Variants in FRMD3 observed in about 807,000 individuals in gnomAD.
The protein encoded by FRMD3 is FERM domain containing 3.
Under a neutral mutation model 70.2 loss-of-function variants are expected in FRMD3, and 33 were observed. That is an observed-to-expected ratio of 0.47 (90% confidence interval 0.36 to 0.63). The LOEUF (loss-of-function observed/expected upper bound fraction) is 0.63, where lower values mean the gene tolerates loss of function less well. Ranked by LOEUF, FRMD3 falls within the 20% of genes least tolerant of loss-of-function variation. The probability of loss-of-function intolerance (pLI) is 0.00; values close to 1 mark genes in which losing one functional copy is unlikely to be tolerated. For missense variants in FRMD3, 632 were observed against 711.4 expected, an observed-to-expected ratio of 0.89 and a Z score of 1.27; for synonymous variants, 279 against 255.9, an observed-to-expected ratio of 1.09 and a Z score of -0.86.
At chr9:83,385,527 CA>C (rs1312057920) in intron 2 of FRMD3, among the ~76,000 whole-genome samples, 1 of 152,074 alleles carries the variant, frequency 6.6e-6, no homozygotes, top group Admixed American at 6.6e-5. Flanking sequence ...GACATCTTGC[CA>C]AACATATGGT....
At chr9:83,274,549 G>A (rs539377465) in intron 13 of FRMD3, among the ~76,000 whole-genome samples, 3 of 152,350 alleles carry the variant, frequency 2.0e-5, no homozygotes, top group Admixed American at 6.5e-5. Flanking sequence ...GCCAGAGCAA[G>A]GGAACCAGCA....
chr9:83,266,186 T>C (rs937558508), intron 13 of FRMD3, among the ~76,000 whole-genome samples: 1 of 152,126 alleles, frequency 6.6e-6, no homozygotes, highest in Non-Finnish European at 1.5e-5. Flanking sequence ...AGATCAACTA[T>C]TGGGAGTATT....
intron 1 of FRMD3, among the ~76,000 whole-genome samples, chr9:83,500,561 C>T (rs1829045938): frequency 6.7e-6 from 1 of 148,572 alleles, no homozygotes; most frequent in Admixed American, 6.7e-5. Context: ...TGAGGAGTGG[C>T]CACACTTTGA....
chr9:83,254,279 TAAAAG>T (rs904492729), intron 13 of FRMD3, among the ~76,000 whole-genome samples: 2 of 151,912 alleles, frequency 1.3e-5, no homozygotes, highest in African/African-American at 4.8e-5. Flanking sequence ...AAAAAAATAA[TAAAAG>T]AAACTTTCAA....
intron 1 of FRMD3, among the ~76,000 whole-genome samples, chr9:83,412,024 C>T (rs192248332): frequency 6.6e-6 from 1 of 152,296 alleles, no homozygotes; most frequent in Admixed American, 6.5e-5. Flanking sequence ...AGTAGACAAA[C>T]CATCCATCCC....
chr9:83,278,229 A>G (rs998944457), intron 13 of FRMD3, among the ~76,000 whole-genome samples: 1 of 152,202 alleles, frequency 6.6e-6, no homozygotes, highest in Non-Finnish European at 1.5e-5. Flanking sequence ...CAGCCTATTC[A>G]AGGGAGAACG....
intron 1 of FRMD3, among the ~76,000 whole-genome samples, chr9:83,427,193 G>A (rs1826835059): frequency 6.6e-6 from 1 of 152,224 alleles, no homozygotes; most frequent in Non-Finnish European, 1.5e-5. Flanking sequence ...GGCCTGAGGA[G>A]TATAGGCTTG....
At chr9:83,384,054 C>CCTGTCTTCCTTTTAACCT (rs1825438695) in intron 2 of FRMD3, among the ~76,000 whole-genome samples, 1 of 152,210 alleles carries the variant, frequency 6.6e-6, no homozygotes, top group South Asian at 2.1e-4. Context: ...CAAGTTATCA[C>CCTGTCTTCCTTTTAACCT]GATAGTACTG....
At chr9:83,456,449 G>A (rs1827819544) in intron 1 of FRMD3, among the ~76,000 whole-genome samples, 1 of 152,052 alleles carries the variant, frequency 6.6e-6, no homozygotes, top group East Asian at 1.9e-4. Context: ...AGAGAGAGAG[G>A]TAGATAGAAA....
chr9:83,354,784 A>AAGAAGATGTAACAGATGAG (rs1262985344), intron 3 of FRMD3, among the ~76,000 whole-genome samples: 2 of 152,236 alleles, frequency 1.3e-5, no homozygotes, highest in Admixed American at 1.3e-4. Context: ...GAATAAAGCC[A>AAGAAGATGTAACAGATGAG]AGAAGATGTA....
intron 1 of FRMD3, among the ~76,000 whole-genome samples, chr9:83,490,794 TCTCTCACACACA>T (rs781617816): frequency 8.3e-6 from 1 of 120,542 alleles, no homozygotes; most frequent in Admixed American, 8.0e-5. Context: ...TCTCTCTCTC[TCTCTCACACACA>T]CACACACACA....
At chr9:83,454,517 A>G (rs1827762032) in intron 1 of FRMD3, among the ~76,000 whole-genome samples, 1 of 152,258 alleles carries the variant, frequency 6.6e-6, no homozygotes, top group African/African-American at 2.4e-5. Context: ...ACTGAGAGCC[A>G]TGAAAAGGCC....
At chr9:83,319,759 C>A (rs941171437) in intron 6 of FRMD3, among the ~76,000 whole-genome samples, 4 of 152,098 alleles carry the variant, frequency 2.6e-5, no homozygotes, top group African/African-American at 9.7e-5. Context: ...ACATGAGATC[C>A]AATGGTTTTA....
chr9:83,452,383 G>GA (rs1325222441), intron 1 of FRMD3, among the ~76,000 whole-genome samples: 1 of 151,526 alleles, frequency 6.6e-6, no homozygotes, highest in Non-Finnish European at 1.5e-5. Flanking sequence ...ACGTAAAAAA[G>GA]AAAAAAAATT....
upstream of FRMD3, among the ~76,000 whole-genome samples, chr9:83,542,702 A>C (rs542075219): frequency 6.6e-6 from 1 of 152,356 alleles, no homozygotes; most frequent in Admixed American, 6.5e-5. Flanking sequence ...TTTAAGACTT[A>C]ATATAAAACC....
Position 83,245,738 on chromosome 9 carries a change from G to A in FRMD3, c.*2180C>T, listed in dbSNP as rs184119129. 70 of 984,066 alleles carry A rather than the reference G, an allele frequency of 7.1e-5. No individual in the cohort carries two copies. Among genetic ancestry groups the A allele is most frequent in the East Asian group, 4.5e-4 (4 of 8,816 alleles). The allele number at this position is 984,066 out of a possible 1,614,324, so 61.0% of individuals were successfully genotyped here. ...AGAACTTTAGAGAAAATTATATGACGCATGATCAGAAGGGGACTAATTTTG... is the reference window on the plus strand; with the variant it reads ...AGAACTTTAGAGAAAATTATATGACACATGATCAGAAGGGGACTAATTTTG... On this transcript the variant is annotated 3_prime_UTR_variant, in exon 14 of 14. Transcript: ENST00000304195.
At chr9:83,434,770 T>C in intron 1 of FRMD3, among the ~76,000 whole-genome samples, 1 of 151,052 alleles carries the variant, frequency 6.6e-6, no homozygotes, top group East Asian at 2.0e-4. Flanking sequence ...GAAACTATAA[T>C]TAACAGAAGA....
chr9:83,243,040 C>G (rs540860851), downstream of FRMD3: 1 of 674,772 alleles, frequency 1.5e-6, no homozygotes, highest in Admixed American at 2.5e-5. Context: ...CAGCTGGGAT[C>G]TGAGGCCTAA....
chr9:83,382,952 T>C (rs989963219), intron 2 of FRMD3, among the ~76,000 whole-genome samples: 1 of 152,148 alleles, frequency 6.6e-6, no homozygotes, highest in African/African-American at 2.4e-5. Context: ...AACTTATCAC[T>C]TTTCCCCCAA....
Sources: gnomAD v4.1 joint callset for allele counts (sites outside exome capture counted in the v4.1 genomes callset) on GRCh38, gnomAD v4.1.1 for gene constraint, MANE v1.5 for transcripts, NCBI Gene and HGNC (gene_info 2026-07-23, HGNC 2026-07-21) for gene names.